The following EEF1AKMT2 variants were observed in gnomAD, a reference collection of about 807,000 sequenced individuals.
EEF1AKMT2 encodes the protein eukaryotic translation elongation factor 1 alpha lysine methyltransferase 2.
EEF1AKMT2 carries 32 observed loss-of-function variants against 35.8 expected under a neutral mutation model. The ratio of observed to expected loss-of-function variants is 0.89; its 90% CI spans 0.67 to 1.20. The LOEUF (loss-of-function observed/expected upper bound fraction) is 1.20, where lower values mean the gene tolerates loss of function less well. Ranked by LOEUF, EEF1AKMT2 falls within the 50% of genes most tolerant of loss-of-function variation. EEF1AKMT2 has a pLI of 0.00. For synonymous variants in EEF1AKMT2, 121 were observed against 133.7 expected (o/e 0.91, Z 0.65); for missense variants, 330 against 347.5 (o/e 0.95, Z 0.40).
intron 3 of EEF1AKMT2, among the ~76,000 whole-genome samples, chr10:124,786,952 T>C (rs1481186189): frequency 1.3e-5 from 2 of 152,016 alleles, no homozygotes; most frequent in African/African-American, 4.8e-5. Context: ...CTGATATAAT[T>C]GTACAAAAGA....
At chr10:124,779,769 A>AAAAAAC (rs1275750539) in intron 3 of EEF1AKMT2, among the ~76,000 whole-genome samples, 3 of 138,728 alleles carry the variant, frequency 2.2e-5, no homozygotes, top group African/African-American at 8.5e-5. Context: ...AAAAAAAAAA[A>AAAAAAC]AGAAACAGAA....
intron 3 of EEF1AKMT2, among the ~76,000 whole-genome samples, chr10:124,787,432 T>TAAA (rs1950595194): frequency 4.9e-5 from 1 of 20,352 alleles, no homozygotes; most frequent in Non-Finnish European, 9.8e-5. Context: ...AGACTCTGTC[T>TAAA]CAAAAAAAAA....
chr10:124,769,237 T>A (rs57915652), intron 4 of EEF1AKMT2, among the ~76,000 whole-genome samples: 4,834 of 14,578 alleles, frequency 0.33, 556 homozygotes, highest in African/African-American at 0.44. Flanking sequence ...AAAAAAAATA[T>A]ATATATATAT....
At chr10:124,760,873 G>C (rs1950325009) in intron 6 of EEF1AKMT2, among the ~76,000 whole-genome samples, 1 of 152,130 alleles carries the variant, frequency 6.6e-6, no homozygotes, top group African/African-American at 2.4e-5. Context: ...TTTTTTGTTT[G>C]TTTGTTTGCT....
intron 3 of EEF1AKMT2, 197 bp from the exon 4 acceptor site, chr10:124,774,979 T>C (rs1238834955): frequency 4.2e-6 from 1 of 237,096 alleles, no homozygotes; most frequent in East Asian, 7.8e-5. Context: ...ACAATACCTT[T>C]GTTTTCATAA....
chr10:124,767,802 A>G (rs1172726744), intron 4 of EEF1AKMT2, among the ~76,000 whole-genome samples: 1 of 151,960 alleles, frequency 6.6e-6, no homozygotes, highest in Non-Finnish European at 1.5e-5. Context: ...CCTGACCAAC[A>G]TGGACAAACC....
At chr10:124,770,750 T>C (rs117565461) in intron 4 of EEF1AKMT2, among the ~76,000 whole-genome samples, 387 of 152,370 alleles carry the variant, frequency 2.5e-3, no homozygotes, top group South Asian at 0.01. Flanking sequence ...ACTAAGTTTA[T>C]GGAATATTCA....
At chr10:124,760,982 T>G (rs1397739835) in intron 6 of EEF1AKMT2, among the ~76,000 whole-genome samples, 1 of 152,176 alleles carries the variant, frequency 6.6e-6, no homozygotes, top group Non-Finnish European at 1.5e-5. Flanking sequence ...CGATTCTCAC[T>G]TCAGCCTCCC....
intron 3 of EEF1AKMT2, among the ~76,000 whole-genome samples, chr10:124,784,409 T>TA (rs1330760730): frequency 6.6e-6 from 1 of 151,620 alleles, no homozygotes; most frequent in Non-Finnish European, 1.5e-5. Flanking sequence ...ATCAACAATT[T>TA]AAAAAAAAAT....
intron 6 of EEF1AKMT2, 47 bp downstream of exon 6, chr10:124,762,253 A>T (rs1437060773): frequency 9.5e-7 from 1 of 1,052,730 alleles, no homozygotes; most frequent in South Asian, 2.9e-5. Context: ...ATAAAATGTT[A>T]TATTATTTTG....
Position 124,760,469 on chromosome 10 carries a change from C to T in EEF1AKMT2, c.*34G>A. 6.2e-7 allele frequency: 1 copy of T among 1,613,862 alleles called. No individual in the cohort carries two copies. Among genetic ancestry groups the T allele is most frequent in the Non-Finnish European group, 8.5e-7 (1 of 1,179,788 alleles). On this transcript the variant is annotated 3_prime_UTR_variant, in exon 7 of 7. Transcript: ENST00000368836. ...TTCCAGATCTGCCTCCAAAGCTGAA[C>T]TTGGGTGTTGGTAGCTCTTCGAGAA...
In EEF1AKMT2 at chr10:124,762,529, T is replaced by C; in HGVS notation, c.646A>G (p.Thr216Ala). ...GWSTVAGFWL[T>A]AALTSWAQAI... ...TGAGCCCAGGAAGTCAAGGCTGCAG[T>C]GAGCCAAAATCCTGCCACTGTACTC... The change falls in exon 6 of 7, where the codon ACT becomes GCT. Residue 216 changes from threonine (T) to alanine (A), a missense_variant. Thr to Ala is a moderately conservative substitution (Grantham distance 58, BLOSUM62 0). Coordinates refer to ENST00000368836, the MANE Select transcript of EEF1AKMT2 (RefSeq NM_212554.4). 1 of 1,261,040 alleles carries C rather than the reference T, an allele frequency of 7.9e-7. No individual in the cohort carries two copies. Among genetic ancestry groups the C allele is most frequent in the South Asian group, 1.3e-5 (1 of 75,252 alleles). The allele number at this position is 1,261,040 out of a possible 1,614,324, so 78.1% of individuals were successfully genotyped here.
Position 124,791,876 on chromosome 10 carries a change from CG to C in EEF1AKMT2, c.-44del, listed in dbSNP as rs1161526214. 33 of 1,531,464 alleles carry C rather than the reference CG, an allele frequency of 2.2e-5. No individual in the cohort carries two copies. Among genetic ancestry groups the C allele is most frequent in the Non-Finnish European group, 2.9e-5 (33 of 1,144,734 alleles). The allele number at this position is 1,531,464 out of a possible 1,614,324, so 94.9% of individuals were successfully genotyped here. A position where few individuals can be genotyped will look rare whatever the true frequency, so the allele number is the denominator to read the frequency against. ...ACGGCCGTTGGGGCCGCCATAGAGA[CG>C]GGGCACAGGCAGAGCGGACGAGCGG... On this transcript the variant is annotated 5_prime_UTR_variant, in exon 1 of 7. Transcript: ENST00000368836.
At chr10:124,786,713 G>A (rs1377841086) in intron 3 of EEF1AKMT2, among the ~76,000 whole-genome samples, 3 of 151,706 alleles carry the variant, frequency 2.0e-5, no homozygotes, top group Non-Finnish European at 2.9e-5. Flanking sequence ...AGGAGGCTGA[G>A]GCAGGAAAAT....
chr10:124,765,766 T>G, intron 4 of EEF1AKMT2, 158 bp from the exon 5 acceptor site: 1 of 589,704 alleles, frequency 1.7e-6, no homozygotes, highest in South Asian at 2.2e-5. Flanking sequence ...CTAACTTTTA[T>G]GAGCTTCAGT....
intron 3 of EEF1AKMT2, among the ~76,000 whole-genome samples, chr10:124,783,682 T>C (rs1214463920): frequency 6.6e-6 from 1 of 152,182 alleles, no homozygotes; most frequent in African/African-American, 2.4e-5. Context: ...TCTCACTCTG[T>C]CACCCAGGCT....
chr10:124,765,622 C>A lies in EEF1AKMT2; in HGVS notation c.400-14G>T. On this transcript the variant is annotated splice_polypyrimidine_tract_variant and intron_variant, in intron 4 of 6. Transcript: ENST00000368836. ...AAAGTCTTCTACCTATATTAAAAGT[C>A]AATGTCTATGTGAGAACAATTAAAA... 1.3e-6 allele frequency: 2 copies of A among 1,597,488 alleles called. No homozygotes were observed. Among genetic ancestry groups the A allele is most frequent in the South Asian group, 2.2e-5 (2 of 90,228 alleles).
intron 4 of EEF1AKMT2, among the ~76,000 whole-genome samples, chr10:124,770,183 C>A (rs1373876763): frequency 6.6e-6 from 1 of 151,902 alleles, no homozygotes; most frequent in East Asian, 1.9e-4. Flanking sequence ...CTTTGAGGGG[C>A]CGAGGCGGGT....
At chr10:124,782,832 G>GT in intron 3 of EEF1AKMT2, 1 of 226,388 alleles carries the variant, frequency 4.4e-6, no homozygotes, top group East Asian at 1.2e-4. Flanking sequence ...AAAAACAGAG[G>GT]TAAAAAAGGG....
Sources: allele counts gnomAD v4.1 joint callset (sites outside exome capture counted in the v4.1 genomes callset), GRCh38; gene constraint gnomAD v4.1.1; transcripts MANE v1.5; gene names NCBI Gene and HGNC (gene_info 2026-07-23, HGNC 2026-07-21).